ZHX3: variants seen among roughly 807,000 people sequenced by gnomAD.
ZHX3 encodes zinc fingers and homeoboxes 3, also known as zinc fingers and homeoboxes protein 3.
Under a neutral mutation model 64.5 loss-of-function variants are expected in ZHX3, and 20 were observed. The ratio of observed to expected loss-of-function variants is 0.31; its 90% CI spans 0.22 to 0.45. ZHX3 has a LOEUF of 0.45. ZHX3 is among the 20% of genes least tolerant of loss of function. ZHX3 has a pLI of 1.00. For synonymous variants in ZHX3, 423 were observed against 461.6 expected (o/e 0.92, Z 1.07); for missense variants, 1,041 against 1,195.8 (o/e 0.87, Z 1.91).
chr20:41,304,157 G>A (rs192840527), intron 1 of ZHX3, among the ~76,000 whole-genome samples: 1 of 152,168 alleles, frequency 6.6e-6, no homozygotes, highest in African/African-American at 2.4e-5. Flanking sequence ...TTGGTTTCCA[G>A]TATAGTCTCC....
chr20:41,190,902 C>T (rs968580226), intron 3 of ZHX3, among the ~76,000 whole-genome samples: 1 of 152,208 alleles, frequency 6.6e-6, no homozygotes, highest in Non-Finnish European at 1.5e-5. Flanking sequence ...CTGAAATCCA[C>T]TGTTAGTCTG....
intron 1 of ZHX3, among the ~76,000 whole-genome samples, chr20:41,300,318 G>A (rs150192849): frequency 2.2e-3 from 334 of 152,172 alleles, no homozygotes; most frequent in African/African-American, 7.5e-3. Flanking sequence ...TCAGAAAATT[G>A]AGACACTGAT....
rs867521522 is a variant in ZHX3, at chr20:41,226,323, T to C, written c.-150-21257A>G. 6.6e-5 allele frequency among the ~76,000 whole-genome samples: 10 copies of C among 151,960 alleles called. No individual in the cohort carries two copies. Among genetic ancestry groups the C allele is most frequent in the African/African-American group, 2.4e-4 (10 of 41,370 alleles). ...GTAAACTGAGATCGCGCCACTGAAC[T>C]CCAGCCTGGGTGACAGGGCAATACT... is the stretch of plus-strand genomic sequence containing the variant. On this transcript the variant is annotated intron_variant, in intron 2 of 3. Transcript: ENST00000683867. This position sits in a 1 kb window ranked among gnomAD's most constrained non-coding sequence, Gnocchi z 4.4.
intron 2 of ZHX3, among the ~76,000 whole-genome samples, chr20:41,221,162 A>T (rs1029346906): frequency 6.6e-6 from 1 of 152,194 alleles, no homozygotes; most frequent in Admixed American, 6.5e-5. Context: ...ATTTGTCTAT[A>T]GCCTTCTCAA....
intron 1 of ZHX3, among the ~76,000 whole-genome samples, chr20:41,296,232 TA>T (rs57987896): frequency 3.2e-4 from 23 of 72,996 alleles, no homozygotes; most frequent in Non-Finnish European, 4.5e-4. Flanking sequence ...GTTCATAAAG[TA>T]AAAAAAAAAA....
At chr20:41,246,736 C>T (rs537318213) in intron 2 of ZHX3, among the ~76,000 whole-genome samples, 48 of 151,346 alleles carry the variant, frequency 3.2e-4, no homozygotes, top group African/African-American at 1.0e-3. Flanking sequence ...AGCCAGGCGT[C>T]GTGGCACATG....
At chr20:41,268,101 C>T (rs1276204500) in intron 2 of ZHX3, among the ~76,000 whole-genome samples, 2 of 152,156 alleles carry the variant, frequency 1.3e-5, no homozygotes, top group Non-Finnish European at 2.9e-5. Flanking sequence ...TGGGAAAATT[C>T]CCACGGGCTG....
intron 1 of ZHX3, among the ~76,000 whole-genome samples, chr20:41,288,652 G>A (rs2044060329): frequency 6.6e-6 from 1 of 151,950 alleles, no homozygotes; most frequent in Non-Finnish European, 1.5e-5. Context: ...TGACAAATAG[G>A]GCCCAAAAGT....
intron 1 of ZHX3, among the ~76,000 whole-genome samples, chr20:41,311,512 T>C (rs1214068079): frequency 6.6e-6 from 1 of 152,202 alleles, no homozygotes; most frequent in Non-Finnish European, 1.5e-5. Flanking sequence ...ACCCAAGTGT[T>C]CTTATTTTTA....
intron 1 of ZHX3, among the ~76,000 whole-genome samples, chr20:41,282,982 CACT>C (rs1431882374): frequency 6.6e-6 from 1 of 152,092 alleles, no homozygotes; most frequent in Admixed American, 6.6e-5. Flanking sequence ...GATCTTGGCT[CACT>C]GCAACCTCCG....
At chr20:41,240,612 A>C (rs2146445453) in intron 2 of ZHX3, among the ~76,000 whole-genome samples, 1 of 152,224 alleles carries the variant, frequency 6.6e-6, no homozygotes, top group South Asian at 2.1e-4. Flanking sequence ...GGTCTTATTC[A>C]ATTTTTTTGT....
At chr20:41,264,310 G>T (rs781008136) in intron 2 of ZHX3, among the ~76,000 whole-genome samples, 1 of 150,312 alleles carries the variant, frequency 6.7e-6, no homozygotes, top group Non-Finnish European at 1.5e-5. Flanking sequence ...GGGAGGCCGA[G>T]GCGGGTGGAT....
At chr20:41,210,012 G>T (rs752109519) in intron 2 of ZHX3, among the ~76,000 whole-genome samples, 45 of 151,982 alleles carry the variant, frequency 3.0e-4, no homozygotes, top group Non-Finnish European at 3.8e-4. Flanking sequence ...AAACATCAAA[G>T]AACCCCATCA....
In ZHX3 at chr20:41,195,393, G is replaced by C. The variant is rs1039677218; in HGVS notation, c.2860+6664C>G. Among the ~76,000 whole-genome samples the C allele has an allele frequency of 6.6e-6, 1 of 152,082 alleles. No homozygotes were observed. Among genetic ancestry groups the C allele is most frequent in the Non-Finnish European group, 1.5e-5 (1 of 68,006 alleles). On this transcript the variant is annotated intron_variant, in intron 3 of 3. Coordinates refer to ENST00000683867, the MANE Select transcript of ZHX3 (RefSeq NM_001384317.1). The surrounding 1 kb of genome is among the most constrained non-coding windows in gnomAD (Gnocchi z 4.2). ...GGCCTCCCAAAGCACTGGGATTATA[G>C]ATGCAAGCCACCATGCTCGACTGAG...
At chr20:41,248,573 A>G (rs1408070240) in intron 2 of ZHX3, among the ~76,000 whole-genome samples, 1 of 152,208 alleles carries the variant, frequency 6.6e-6, no homozygotes, top group Non-Finnish European at 1.5e-5. Flanking sequence ...GGTGGCTGCC[A>G]GAGCTCAGGA....
rs555429046 is a variant in ZHX3 at position 41,179,109 on chromosome 20, T to G, written c.*6082A>C. The G allele has an allele frequency of 3.7e-4, 56 of 152,500 alleles. No individual in the cohort carries two copies. Among genetic ancestry groups the G allele is most frequent in the African/African-American group, 1.3e-3 (53 of 41,566 alleles). The allele number at this position is 152,500 out of a possible 1,614,324, so 9.4% of individuals were successfully genotyped here. A position where few individuals can be genotyped will look rare whatever the true frequency, so the allele number is the denominator to read the frequency against. On this transcript the variant is annotated 3_prime_UTR_variant, in exon 4 of 4. Coordinates refer to ENST00000683867, the MANE Select transcript of ZHX3 (RefSeq NM_001384317.1). This position sits in a 1 kb window ranked among gnomAD's most constrained non-coding sequence, Gnocchi z 4.3. Reference sequence around the variant, plus strand: ...ACAGGCCTTTGGCAACCTCCCTGACTTCCACAAAGGCTGCCCTCAGTAAAA... The same window carrying G: ...ACAGGCCTTTGGCAACCTCCCTGACGTCCACAAAGGCTGCCCTCAGTAAAA...
chr20:41,278,669 T>C (rs1367688169), intron 1 of ZHX3, among the ~76,000 whole-genome samples: 1 of 142,016 alleles, frequency 7.0e-6, no homozygotes, highest in South Asian at 2.4e-4. Flanking sequence ...ATTGTAGATA[T>C]ATGGAAAATA....
chr20:41,260,197 A>G (rs1259193358), intron 2 of ZHX3, among the ~76,000 whole-genome samples: 2 of 152,170 alleles, frequency 1.3e-5, no homozygotes, highest in African/African-American at 4.8e-5. Flanking sequence ...AAAAAAGGCA[A>G]TAAAAGACAG....
In ZHX3 at chr20:41,216,450, T is replaced by C. The variant is rs113367404; in HGVS notation, c.-150-11384A>G. On this transcript the variant is annotated intron_variant, in intron 2 of 3. Transcript: ENST00000683867. ...CATAGCTTACTATAATTAATTCTTT[T>C]AAAAAACCAAAAATGGAATTGTATT... 5.9e-3 allele frequency among the ~76,000 whole-genome samples: 903 copies of C among 152,334 alleles called. 7 individuals carry two copies. The highest frequency in any genetic ancestry group is 0.02 in the African/African-American group (843 of 41,578).
Sources: gnomAD v4.1 joint callset for allele counts (sites outside exome capture counted in the v4.1 genomes callset) on GRCh38, gnomAD v4.1.1 for gene constraint, Gnocchi (gnomAD v3.1) non-coding constraint, MANE v1.5 for transcripts, NCBI Gene and HGNC (gene_info 2026-07-23, HGNC 2026-07-21) for gene names.